Variants in PSMD1 observed in about 807,000 individuals in gnomAD.
PSMD1 encodes the protein proteasome 26S subunit, non-ATPase 1, also known as 26S proteasome non-ATPase regulatory subunit 1.
Under a neutral mutation model 119.0 loss-of-function variants are expected in PSMD1, and 18 were observed. The ratio of observed to expected loss-of-function variants is 0.15; its 90% CI spans 0.10 to 0.22. PSMD1 has a LOEUF of 0.22. Among genes scored for constraint, PSMD1 ranks in the 10% least tolerant of loss-of-function variants. The pLI is 1.00. For synonymous variants in PSMD1, 374 were observed against 396.6 expected (o/e 0.94, Z 0.68); for missense variants, 702 against 1,158.5 (o/e 0.61, Z 5.72).
At chr2:231,157,117 A>T (rs1015128476) in intron 19 of PSMD1, among the ~76,000 whole-genome samples, 2 of 151,886 alleles carry the variant, frequency 1.3e-5, no homozygotes, top group African/African-American at 4.8e-5. Context: ...AAAGTGTATG[A>T]TTTTAGACTA....
chr2:231,078,677 G>C lies in PSMD1; in HGVS notation c.1090G>C (p.Val364Leu). Residue 364 changes from valine (V) to leucine (L), a missense_variant, in exon 10 of 25, where the codon GTA becomes CTA. Transcript: ENST00000308696. ...KNTKDAVRNS[V>L]CHTATVIANS... The stretch of plus-strand genomic sequence containing the variant: ...GTTGCAGGATGCAGTACGGAATTCT[G>C]TATGTCATACTGCAACCGTTATAGC... The C allele has an allele frequency of 6.2e-7, 1 of 1,603,740 alleles. No homozygotes were observed. The highest frequency in any genetic ancestry group is 8.5e-7 in the Non-Finnish European group (1 of 1,175,884).
chr2:231,080,062 G>A (rs1694269502), intron 11 of PSMD1, 79 bp from the exon 12 acceptor site: 1 of 1,290,304 alleles, frequency 7.8e-7, no homozygotes, highest in Non-Finnish European at 1.1e-6. Context: ...CTGGGGAAAA[G>A]GCAGTAATCA....
chr2:231,062,754 A>C, intron 4 of PSMD1, 79 bp downstream of exon 4: 1 of 1,196,162 alleles, frequency 8.4e-7, no homozygotes, highest in East Asian at 2.7e-5. Flanking sequence ...TTTTTTCCTG[A>C]ATTTGATGTT....
chr2:231,140,096 T>TA (rs1025551672), intron 17 of PSMD1, among the ~76,000 whole-genome samples: 5 of 152,186 alleles, frequency 3.3e-5, no homozygotes, highest in African/African-American at 1.2e-4. Context: ...TCACTTTTTT[T>TA]ATCATCTGTT....
At chr2:231,129,425 G>A (rs1695803778) in intron 16 of PSMD1, among the ~76,000 whole-genome samples, 2 of 152,110 alleles carry the variant, frequency 1.3e-5, no homozygotes, top group East Asian at 1.9e-4. Flanking sequence ...TAAGGCTTGT[G>A]ACTCTTCTTA....
At chr2:231,057,088 C>G in intron 1 of PSMD1, 47 bp downstream of exon 1, 1 of 1,480,766 alleles carries the variant, frequency 6.8e-7, no homozygotes. Context: ...GCCGCCGCCG[C>G]GCCGGCTTTT....
chr2:231,155,297 C>T (rs532161865), intron 19 of PSMD1, among the ~76,000 whole-genome samples: 2 of 152,174 alleles, frequency 1.3e-5, no homozygotes, highest in African/African-American at 4.8e-5. Context: ...TTATTTGTTG[C>T]AGTCATTGTT....
chr2:231,170,556 G>A lies in PSMD1; in HGVS notation c.2716-10G>A. ...TGAGTGTACGCTTCTGCACGCCCCT[G>A]TGTTTCCAGCTCTCTATTGGAGGCA... On this transcript the variant is annotated splice_polypyrimidine_tract_variant and intron_variant, in intron 23 of 24. Transcript: ENST00000308696. This position sits in a 1 kb window ranked among gnomAD's most constrained non-coding sequence, Gnocchi z 4.1. The A allele has an allele frequency of 6.2e-7, 1 of 1,606,354 alleles. No homozygotes were observed. Among genetic ancestry groups the A allele is most frequent in the Non-Finnish European group, 8.5e-7 (1 of 1,177,192 alleles).
At position 231,170,856 on chromosome 2, in the gene PSMD1, C is replaced by G; in HGVS notation, c.*9+135C>G. 5 of 934,502 alleles carry G rather than the reference C, an allele frequency of 5.4e-6. No individual in the cohort carries two copies. Among genetic ancestry groups the G allele is most frequent in the Non-Finnish European group, 7.5e-6 (5 of 663,212 alleles). 57.9% of individuals were successfully genotyped at this position (934,502 alleles called of 1,614,324 possible). On this transcript the variant is annotated intron_variant, in intron 24 of 24. Coordinates refer to ENST00000308696, the MANE Select transcript of PSMD1 (RefSeq NM_002807.4). This position sits in a 1 kb window ranked among gnomAD's most constrained non-coding sequence, Gnocchi z 4.1. ...TTTACCTAAACAGTATTAAAACTTC[C>G]CCGTTTCAACCTTTTTCTGCATATA...
intron 16 of PSMD1, among the ~76,000 whole-genome samples, chr2:231,099,135 G>T (rs903248546): frequency 6.6e-6 from 1 of 152,164 alleles, no homozygotes; most frequent in Non-Finnish European, 1.5e-5. Context: ...TGAGCGGAAA[G>T]ATTGGGGACA....
intron 18 of PSMD1, among the ~76,000 whole-genome samples, chr2:231,152,579 T>C (rs1037861056): frequency 4.6e-5 from 7 of 152,226 alleles, no homozygotes; most frequent in African/African-American, 1.7e-4. Flanking sequence ...TGTGATTCTA[T>C]TATTCTGCCA....
intron 16 of PSMD1, among the ~76,000 whole-genome samples, chr2:231,099,679 C>G (rs1273511860): frequency 6.6e-6 from 1 of 152,052 alleles, no homozygotes; most frequent in Non-Finnish European, 1.5e-5. Context: ...GCTCAATTTC[C>G]CCACTGGAAA....
At chr2:231,123,555 A>T in intron 16 of PSMD1, 1 of 1,614,074 alleles carries the variant, frequency 6.2e-7, no homozygotes, top group Non-Finnish European at 8.5e-7. Flanking sequence ...GGGTATTTCC[A>T]CCAATTGTGG....
intron 16 of PSMD1, among the ~76,000 whole-genome samples, chr2:231,131,877 T>C (rs760457822): frequency 3.3e-5 from 5 of 152,154 alleles, no homozygotes; most frequent in Non-Finnish European, 7.3e-5. Context: ...CTTGAAAAGA[T>C]TGAATGTCTA....
chr2:231,109,043 G>T (rs1559233518), intron 16 of PSMD1: 1 of 1,614,186 alleles, frequency 6.2e-7, no homozygotes. Context: ...TTTCCCAATT[G>T]TGGATGTTCT....
At chr2:231,123,303 TC>T (rs1249337944) in intron 16 of PSMD1, 1 of 832,906 alleles carries the variant, frequency 1.2e-6, no homozygotes, top group African/African-American at 1.7e-5. Flanking sequence ...CTTTAAATAG[TC>T]CAAGTTCATC....
At chr2:231,115,099 C>T (rs1473278890) in intron 16 of PSMD1, among the ~76,000 whole-genome samples, 1 of 151,722 alleles carries the variant, frequency 6.6e-6, no homozygotes, top group Non-Finnish European at 1.5e-5. Context: ...GAATAATCAT[C>T]TCAGGATTAC....
intron 19 of PSMD1, among the ~76,000 whole-genome samples, 200 bp from the exon 20 acceptor site, chr2:231,161,140 A>T (rs1696629263): frequency 6.6e-6 from 1 of 151,810 alleles, no homozygotes; most frequent in Non-Finnish European, 1.5e-5. Flanking sequence ...TAAGGCCAGG[A>T]GGTCGAGGCT....
intron 17 of PSMD1, 79 bp from the exon 18 acceptor site, chr2:231,146,157 GTTAC>G: frequency 1.1e-6 from 1 of 915,040 alleles, no homozygotes; most frequent in Admixed American, 1.8e-5. Context: ...CCAGAATGTC[GTTAC>G]ATGGCATGTG....
Sources: gnomAD v4.1 joint callset for allele counts (sites outside exome capture counted in the v4.1 genomes callset) on GRCh38, gnomAD v4.1.1 for gene constraint, Gnocchi (gnomAD v3.1) non-coding constraint, MANE v1.5 for transcripts, NCBI Gene and HGNC (gene_info 2026-07-23, HGNC 2026-07-21) for gene names.